KCNMA1: variants seen among roughly 807,000 people sequenced by gnomAD.
KCNMA1 encodes the protein Calcium-activated potassium channel subunit alpha-1.
KCNMA1 carries 29 observed loss-of-function variants against 140.0 expected under a neutral mutation model. The ratio of observed to expected loss-of-function variants is 0.21; its 90% CI spans 0.15 to 0.28. KCNMA1 has a LOEUF of 0.28. KCNMA1 is among the 10% of genes least tolerant of loss of function. The probability of loss-of-function intolerance (pLI) is 1.00; values close to 1 mark genes in which losing one functional copy is unlikely to be tolerated. For synonymous variants in KCNMA1, 612 were observed against 611.9 expected, an observed-to-expected ratio of 1.00 and a Z score of 0.00; for missense variants, 880 against 1,602.2, an observed-to-expected ratio of 0.55 and a Z score of 7.70.
At chr10:77,306,335 T>A (rs2077715544) in intron 2 of KCNMA1, among the ~76,000 whole-genome samples, 1 of 152,154 alleles carries the variant, frequency 6.6e-6, no homozygotes, top group Non-Finnish European at 1.5e-5. Flanking sequence ...CTATGAGCTG[T>A]GGAACAGGAG....
intron 2 of KCNMA1, among the ~76,000 whole-genome samples, chr10:77,254,304 C>T (rs934449146): frequency 1.3e-5 from 2 of 151,532 alleles, no homozygotes; most frequent in South Asian, 2.1e-4. Flanking sequence ...TCACTGCAAC[C>T]TCTGCCTCCC....
chr10:77,445,701 T>C (rs1244841383), intron 1 of KCNMA1, among the ~76,000 whole-genome samples: 1 of 152,146 alleles, frequency 6.6e-6, no homozygotes, highest in Admixed American at 6.5e-5. Flanking sequence ...GCTTCTCGAA[T>C]GCTGATATGG....
In KCNMA1 at chr10:77,082,545, T is replaced by G. The variant is rs141958952; in HGVS notation, c.1523+2092A>C. ...TTTCCATTTGGAATTTTGAAGACAG[T>G]GAAGCCAGGTTCCTTAAAGGGTTAC... On this transcript the variant is annotated intron_variant, in intron 12 of 27. Transcript: ENST00000286628. Among the ~76,000 whole-genome samples, 24 of 152,288 alleles carry G rather than the reference T, an allele frequency of 1.6e-4. No individual in the cohort carries two copies. In the East Asian group the frequency reaches 3.9e-3, roughly 24 times the overall value.
intron 2 of KCNMA1, among the ~76,000 whole-genome samples, chr10:77,346,471 G>A (rs558042997): frequency 3.3e-5 from 5 of 152,150 alleles, no homozygotes; most frequent in African/African-American, 4.8e-5. Context: ...GCTGAAGTGC[G>A]TCCACAGTTT....
chr10:77,475,009 G>A (rs781751053), intron 1 of KCNMA1, among the ~76,000 whole-genome samples: 4 of 152,186 alleles, frequency 2.6e-5, no homozygotes, highest in African/African-American at 7.2e-5. Flanking sequence ...GACAACTGCA[G>A]AAGGAGCACA....
At chr10:77,087,681 G>GTACT (rs2096724557) in intron 10 of KCNMA1, among the ~76,000 whole-genome samples, 2 of 152,280 alleles carry the variant, frequency 1.3e-5, no homozygotes, top group Admixed American at 1.3e-4. Context: ...TCTCTTTGGA[G>GTACT]GACAAGGATT....
intron 9 of KCNMA1, among the ~76,000 whole-genome samples, chr10:77,107,937 G>T (rs1008531568): frequency 6.6e-6 from 1 of 152,150 alleles, no homozygotes; most frequent in African/African-American, 2.4e-5. Context: ...ACCACCATAG[G>T]AGGGCATCAT....
intron 1 of KCNMA1, among the ~76,000 whole-genome samples, chr10:77,480,572 A>G (rs1271580133): frequency 6.6e-6 from 1 of 152,212 alleles, no homozygotes; most frequent in East Asian, 1.9e-4. Context: ...ATCATTATCT[A>G]CAATGATATC....
At chr10:77,224,172 C>T (rs2050573843) in intron 3 of KCNMA1, among the ~76,000 whole-genome samples, 1 of 152,240 alleles carries the variant, frequency 6.6e-6, no homozygotes, top group African/African-American at 2.4e-5. Flanking sequence ...ATTAGCCTTA[C>T]ATGTGTCTGC....
intron 17 of KCNMA1, among the ~76,000 whole-genome samples, chr10:77,018,181 G>C (rs935552739): frequency 2.0e-5 from 3 of 152,142 alleles, no homozygotes; most frequent in African/African-American, 4.8e-5. Flanking sequence ...ACCTAGAACA[G>C]GCCTGGCTTT....
intron 14 of KCNMA1, among the ~76,000 whole-genome samples, chr10:77,072,389 A>G (rs1023018979): frequency 6.6e-5 from 10 of 152,078 alleles, no homozygotes; most frequent in South Asian, 2.1e-4. Flanking sequence ...TGGAAACACA[A>G]TCCTAACCTG....
intron 1 of KCNMA1, among the ~76,000 whole-genome samples, chr10:77,471,069 TAC>T (rs2154528277): frequency 6.8e-6 from 1 of 146,182 alleles, no homozygotes; most frequent in East Asian, 2.1e-4. Flanking sequence ...CAACTCATAC[TAC>T]ACACACAACA....
chr10:77,216,894 G>T (rs1467533596), intron 3 of KCNMA1, among the ~76,000 whole-genome samples: 1 of 152,126 alleles, frequency 6.6e-6, no homozygotes, highest in Non-Finnish European at 1.5e-5. Context: ...CTACAGAAAG[G>T]TCCCATAGTT....
intron 1 of KCNMA1, among the ~76,000 whole-genome samples, chr10:77,527,807 C>T (rs992219347): frequency 1.3e-5 from 2 of 152,092 alleles, no homozygotes; most frequent in African/African-American, 4.8e-5. Context: ...TGGAGGGTGG[C>T]TGAGTGGGCC....
intron 19 of KCNMA1, among the ~76,000 whole-genome samples, chr10:76,988,363 A>G (rs1006755952): frequency 3.9e-5 from 6 of 152,148 alleles, no homozygotes; most frequent in African/African-American, 1.2e-4. Flanking sequence ...CTCAACACCA[A>G]CTGGACCTCA....
chr10:77,360,502 C>G (rs1382117562), intron 2 of KCNMA1, among the ~76,000 whole-genome samples: 1 of 152,180 alleles, frequency 6.6e-6, no homozygotes, highest in East Asian at 1.9e-4. Flanking sequence ...AGAGTTGAGT[C>G]TAGCAGAGTC....
chr10:77,201,916 T>C (rs2042613548), intron 3 of KCNMA1, among the ~76,000 whole-genome samples: 2 of 152,324 alleles, frequency 1.3e-5, no homozygotes, highest in South Asian at 2.1e-4. Context: ...TTTGATAACA[T>C]ACCATGCATG....
intron 1 of KCNMA1, among the ~76,000 whole-genome samples, chr10:77,467,757 C>G (rs974068449): frequency 6.6e-6 from 1 of 152,024 alleles, no homozygotes; most frequent in Non-Finnish European, 1.5e-5. Flanking sequence ...CTTGGCCACT[C>G]GCCGAGTTCT....
At chr10:76,955,702 C>T (rs1366251080) in intron 20 of KCNMA1, among the ~76,000 whole-genome samples, 1 of 152,152 alleles carries the variant, frequency 6.6e-6, no homozygotes, top group Non-Finnish European at 1.5e-5. Flanking sequence ...GAACTATTTA[C>T]AGATCAGGGT....
Sources: gnomAD v4.1 joint callset for allele counts (sites outside exome capture counted in the v4.1 genomes callset) on GRCh38, gnomAD v4.1.1 for gene constraint, MANE v1.5 for transcripts, NCBI Gene and HGNC (gene_info 2026-07-23, HGNC 2026-07-21) for gene names.